PAK3: variants seen among roughly 807,000 people sequenced by gnomAD.
PAK3 encodes p21 (RAC1) activated kinase 3, also known as serine/threonine-protein kinase PAK 3.
Under a neutral mutation model 41.0 loss-of-function variants are expected in PAK3, and 4 were observed. That is an observed-to-expected ratio of 0.10 (90% CI 0.05 to 0.22). The LOEUF is 0.22. Ranked by LOEUF, PAK3 falls within the 10% of genes least tolerant of loss-of-function variation. The probability of loss-of-function intolerance (pLI) is 1.00; values close to 1 mark genes in which losing one functional copy is unlikely to be tolerated. For missense variants in PAK3, 205 were observed against 409.9 expected (o/e 0.50, Z 4.32); for synonymous variants, 146 against 139.6 (o/e 1.05, Z -0.32).
intron 1 of PAK3, among the ~76,000 whole-genome samples, chrX:110,996,359 A>G (rs2091739048): frequency 8.9e-6 from 1 of 112,524 alleles, no homozygotes; most frequent in African/African-American, 3.2e-5. Context: ...CATACTAAAC[A>G]CAAATCCCAA....
At chrX:111,012,273 A>G (rs771082231) in intron 1 of PAK3, among the ~76,000 whole-genome samples, 1 of 112,138 alleles carries the variant, frequency 8.9e-6, no homozygotes, top group East Asian at 2.8e-4. Flanking sequence ...TGATCAGTTA[A>G]GCAGATTTCA....
rs1177011611 is a variant in PAK3, at chrX:111,195,743, A to G, written c.1111-99A>G. On this transcript the variant is annotated intron_variant, in intron 14 of 17. Transcript: ENST00000372007. ...ATTCAGTAATCGATTTCACTTGACA[A>G]TATAAAGTTATATCCCTGCCCAAAA... 2.2e-5 allele frequency: 12 copies of G among 557,612 alleles called. No individual in the cohort carries two copies. The East Asian group carries it at 4.0e-4, about 19-fold the overall frequency. The allele number at this position is 557,612 out of a possible 1,213,427, so 46.0% of individuals were successfully genotyped here.
intron 1 of PAK3, among the ~76,000 whole-genome samples, chrX:111,028,864 G>T (rs903776193): frequency 5.4e-5 from 6 of 111,675 alleles, no homozygotes; most frequent in Non-Finnish European, 1.1e-4. Flanking sequence ...TGGGCACAGT[G>T]GCTCATGCCT....
At chrX:111,108,921 G>C (rs890961141) in intron 4 of PAK3, among the ~76,000 whole-genome samples, 2 of 112,106 alleles carry the variant, frequency 1.8e-5, no homozygotes, top group East Asian at 2.8e-4. Flanking sequence ...GCATTTATAT[G>C]ATATTTTATA....
chrX:110,959,489 G>A (rs768736462), intron 1 of PAK3, among the ~76,000 whole-genome samples: 2 of 111,734 alleles, frequency 1.8e-5, no homozygotes, highest in African/African-American at 3.3e-5. Context: ...CTTCACCCTC[G>A]TGTACATCAC....
chrX:111,137,056 T>C (rs1041908122), intron 5 of PAK3, among the ~76,000 whole-genome samples: 2 of 111,906 alleles, frequency 1.8e-5, no homozygotes, highest in African/African-American at 6.5e-5. Context: ...ATTAATACCC[T>C]GTTTCACACA....
chrX:111,078,700 T>TA (rs1184522815), intron 1 of PAK3, among the ~76,000 whole-genome samples: 1 of 111,193 alleles, frequency 9.0e-6, no homozygotes, highest in African/African-American at 3.3e-5. Flanking sequence ...TCCCTTTAAA[T>TA]AAAAAACTAG....
intron 1 of PAK3, among the ~76,000 whole-genome samples, chrX:110,952,162 C>A (rs185372261): frequency 8.9e-6 from 1 of 112,159 alleles, no homozygotes; most frequent in East Asian, 2.8e-4. Context: ...TCTTCTTGTG[C>A]CTGTTTTCTG....
intron 1 of PAK3, among the ~76,000 whole-genome samples, chrX:111,088,791 G>A (rs1233757830): frequency 2.7e-5 from 3 of 111,896 alleles, no homozygotes; most frequent in African/African-American, 3.2e-5. Context: ...CAAAGTAGGC[G>A]GTGTAGTTAT....
intron 1 of PAK3, among the ~76,000 whole-genome samples, chrX:111,086,368 T>C (rs2092883274): frequency 9.0e-6 from 1 of 110,947 alleles, no homozygotes; most frequent in South Asian, 3.9e-4. Context: ...CCACCCCCAA[T>C]ATAGTTGTGA....
At chrX:111,044,014 G>A (rs2092475155) in intron 1 of PAK3, among the ~76,000 whole-genome samples, 1 of 112,187 alleles carries the variant, frequency 8.9e-6, no homozygotes, top group African/African-American at 3.2e-5. Context: ...TACCTTGTTA[G>A]TAGTTCTTTA....
intron 1 of PAK3, among the ~76,000 whole-genome samples, chrX:110,987,914 T>A (rs952999679): frequency 8.9e-6 from 1 of 112,018 alleles, no homozygotes; most frequent in Non-Finnish European, 1.9e-5. Flanking sequence ...CCCGGGTATG[T>A]CTTCCAGCAG....
chrX:111,075,708 G>A (rs1356345662), intron 1 of PAK3, among the ~76,000 whole-genome samples: 2 of 112,332 alleles, frequency 1.8e-5, no homozygotes, highest in Non-Finnish European at 3.8e-5. Flanking sequence ...TGTAGGAAGG[G>A]GGTTGCTGCC....
chrX:111,165,761 A>G (rs942493411), intron 10 of PAK3, among the ~76,000 whole-genome samples: 17 of 109,968 alleles, frequency 1.5e-4, no homozygotes, highest in African/African-American at 5.9e-4. Flanking sequence ...TCAAATCTCA[A>G]TAGATGTATT....
chrX:111,119,670 T>C (rs1003423322), intron 4 of PAK3, among the ~76,000 whole-genome samples: 5 of 112,279 alleles, frequency 4.5e-5, no homozygotes, highest in African/African-American at 1.3e-4. Flanking sequence ...GAAAGCTGTC[T>C]CAGGGGAACA....
chrX:111,222,347 C>T lies in PAK3; in HGVS notation c.*1900C>T, dbSNP rs987566136. 1.8e-5 allele frequency: 2 copies of T among 111,996 alleles called. No homozygotes were observed. The highest frequency in any genetic ancestry group is 6.5e-5 in the African/African-American group (2 of 30,824). 9.2% of individuals were successfully genotyped at this position (111,996 alleles called of 1,213,427 possible). ...TGTTTATGTTCAGGAGATGACCCCA[C>T]TGGTGTATTTCCTATTTTCCCTATT... On this transcript the variant is annotated 3_prime_UTR_variant, in exon 18 of 18. Transcript: ENST00000372007.
At chrX:111,143,019 G>T (rs1027139653) in intron 6 of PAK3, among the ~76,000 whole-genome samples, 1 of 110,489 alleles carries the variant, frequency 9.1e-6, no homozygotes, top group South Asian at 3.9e-4. Flanking sequence ...GGAGAGAAAA[G>T]ATGTGGCTAT....
At chrX:110,953,230 C>G (rs2090782682) in intron 1 of PAK3, among the ~76,000 whole-genome samples, 1 of 111,654 alleles carries the variant, frequency 9.0e-6, no homozygotes, top group South Asian at 3.8e-4. Flanking sequence ...CAAAGAGAGT[C>G]AGTAAATGGA....
At position 111,193,384 on chromosome X, in the gene PAK3, C is replaced by T. The variant is rs2094579051; in HGVS notation, c.992+766C>T. On this transcript the variant is annotated intron_variant, in intron 13 of 17. Transcript: ENST00000372007. ...TTTTTTTTTTTTACAGAGTCTTGCTCTGTCGCCCAGGCTAGAGTGCAGTGG... is the reference window on the plus strand; with the variant it reads ...TTTTTTTTTTTTACAGAGTCTTGCTTTGTCGCCCAGGCTAGAGTGCAGTGG... Among the ~76,000 whole-genome samples the T allele has an allele frequency of 3.4e-5, 3 of 89,433 alleles. No individual in the cohort carries two copies. The South Asian group carries it at 2.1e-3, about 62-fold the overall frequency. The allele number at this position is 89,433 out of a possible 115,157, so 77.7% of individuals were successfully genotyped here. A position where few individuals can be genotyped will look rare whatever the true frequency, so the allele number is the denominator to read the frequency against.
Sources: gnomAD v4.1 joint callset for allele counts (sites outside exome capture counted in the v4.1 genomes callset) on GRCh38, gnomAD v4.1.1 for gene constraint, MANE v1.5 for transcripts, NCBI Gene and HGNC (gene_info 2026-07-23, HGNC 2026-07-21) for gene names.